CSTPP1: variants seen among roughly 807,000 people sequenced by gnomAD.
The protein encoded by CSTPP1 is centriolar satellite-associated tubulin polyglutamylase complex regulator 1.
At chr11:47,130,131 C>A in the CSTPP1 span, among the ~76,000 whole-genome samples, 11 of 152,088 alleles carry the variant, frequency 7.2e-5, no homozygotes, top group Non-Finnish European at 4.4e-5. Context: ...GTGGCAGACA[C>A]CTGTAGTCCC....
At chr11:47,158,091 C>G in the CSTPP1 span, 6 of 620,082 alleles carry the variant, frequency 9.7e-6, no homozygotes, top group African/African-American at 7.4e-5. Flanking sequence ...CAAAACATGG[C>G]TCTTACACAT....
the CSTPP1 span, among the ~76,000 whole-genome samples, chr11:47,140,883 G>A: frequency 8.6e-5 from 13 of 151,714 alleles, no homozygotes; most frequent in East Asian, 2.0e-3. Context: ...GGCGGATCAC[G>A]AGGTCAGGAG....
the CSTPP1 span, among the ~76,000 whole-genome samples, chr11:47,142,319 A>T: frequency 2.0e-5 from 3 of 151,436 alleles, no homozygotes; most frequent in East Asian, 5.8e-4. Flanking sequence ...TGGTTTTGCC[A>T]TTATTTTCAA....
At chr11:46,987,498 A>G in the CSTPP1 span, 2 of 572,294 alleles carry the variant, frequency 3.5e-6, no homozygotes, top group Non-Finnish European at 6.3e-6. Context: ...TAGTTTGTCC[A>G]GTGATGTCTC....
the CSTPP1 span, among the ~76,000 whole-genome samples, chr11:47,086,232 TCC>T: frequency 3.9e-3 from 124 of 31,702 alleles, 2 homozygotes; most frequent in Non-Finnish European, 5.1e-3. Context: ...CTACTAAAAA[TCC>T]AAAAAAAAAA....
chr11:47,161,064 A>G, the CSTPP1 span: 2 of 1,600,578 alleles, frequency 1.2e-6, no homozygotes, highest in Middle Eastern at 1.7e-4. Context: ...AGGGGCATGG[A>G]GGAATCTGTT....
the CSTPP1 span, among the ~76,000 whole-genome samples, chr11:46,939,036 CA>C: frequency 1.3e-5 from 2 of 150,566 alleles, no homozygotes; most frequent in African/African-American, 4.9e-5. Context: ...TGTGGCCTTC[CA>C]AAGTACTGAG....
the CSTPP1 span, among the ~76,000 whole-genome samples, chr11:47,072,145 T>G: frequency 6.6e-6 from 1 of 152,226 alleles, no homozygotes; most frequent in Non-Finnish European, 1.5e-5. Flanking sequence ...CTGGCTTTGG[T>G]GCAAGGGTGC....
At chr11:47,027,431 G>A in the CSTPP1 span, among the ~76,000 whole-genome samples, 2 of 152,286 alleles carry the variant, frequency 1.3e-5, no homozygotes, top group East Asian at 1.9e-4. Flanking sequence ...GGTCCTTTGC[G>A]TAGCCTTCCT....
chr11:47,056,271 T>A, the CSTPP1 span, among the ~76,000 whole-genome samples: 5 of 152,202 alleles, frequency 3.3e-5, no homozygotes, highest in African/African-American at 1.2e-4. Context: ...ACCTGTGTTG[T>A]TCAAGGGTCA....
the CSTPP1 span, among the ~76,000 whole-genome samples, chr11:46,951,159 A>G: frequency 1.3e-5 from 2 of 152,186 alleles, no homozygotes; most frequent in African/African-American, 4.8e-5. Context: ...TAAAGCCAGT[A>G]GTATTGTTAG....
the CSTPP1 span, among the ~76,000 whole-genome samples, chr11:47,079,337 T>C: frequency 6.6e-6 from 1 of 152,172 alleles, no homozygotes; most frequent in African/African-American, 2.4e-5. Context: ...GGGATTAGAA[T>C]ATAGACTACC....
the CSTPP1 span, among the ~76,000 whole-genome samples, chr11:47,101,601 G>GA: frequency 2.6e-3 from 372 of 143,212 alleles, no homozygotes; most frequent in Non-Finnish European, 3.1e-3. Flanking sequence ...ATTCATCTTA[G>GA]AAAAAAAAAA....
chr11:46,971,629 T>A, the CSTPP1 span, among the ~76,000 whole-genome samples: 1 of 152,222 alleles, frequency 6.6e-6, no homozygotes, highest in East Asian at 1.9e-4. Flanking sequence ...AATGCAGTAA[T>A]ACATTGATCT....
chr11:47,159,739 C>G, the CSTPP1 span: 1 of 456,192 alleles, frequency 2.2e-6, no homozygotes, highest in Non-Finnish European at 4.4e-6. Context: ...GGTGTGGTGG[C>G]TCACGCCTGT....
the CSTPP1 span, among the ~76,000 whole-genome samples, chr11:47,100,241 C>T: frequency 6.6e-6 from 1 of 152,124 alleles, no homozygotes; most frequent in African/African-American, 2.4e-5. Context: ...TCCCTGTTTA[C>T]AGCAAAGGAA....
the CSTPP1 span, among the ~76,000 whole-genome samples, chr11:46,958,050 C>T: frequency 6.6e-6 from 1 of 152,158 alleles, no homozygotes; most frequent in East Asian, 1.9e-4. Context: ...CCATTTCTAC[C>T]TCCTCAGCCT....
the CSTPP1 span, among the ~76,000 whole-genome samples, chr11:47,130,172 G>A: frequency 1.3e-5 from 2 of 151,800 alleles, no homozygotes; most frequent in South Asian, 2.1e-4. Flanking sequence ...TAGGAGACTC[G>A]CTTGAACTCG....
At chr11:47,122,094 ATATATATATAT>A in the CSTPP1 span, among the ~76,000 whole-genome samples, 2 of 100,794 alleles carry the variant, frequency 2.0e-5, no homozygotes, top group African/African-American at 4.0e-5. Flanking sequence ...AAAAAAAAAT[ATATATATATAT>A]ATATATATAT....
Sources: gnomAD v4.1 joint callset for allele counts (sites outside exome capture counted in the v4.1 genomes callset) on GRCh38, gnomAD v4.1.1 for gene constraint, MANE v1.5 for transcripts, NCBI Gene and HGNC (gene_info 2026-07-23, HGNC 2026-07-21) for gene names.